MAD1L1: variants seen among roughly 807,000 people sequenced by gnomAD.
MAD1L1 encodes the protein mitotic spindle assembly checkpoint protein MAD1.
MAD1L1 carries 95 observed loss-of-function variants against 96.9 expected under a neutral mutation model. That is an observed-to-expected ratio of 0.98 (90% CI 0.83 to 1.16). The LOEUF (loss-of-function observed/expected upper bound fraction) is 1.16, where lower values mean the gene tolerates loss of function less well. Among genes scored for constraint, MAD1L1 ranks in the 50% most tolerant of loss-of-function variants. The probability of loss-of-function intolerance (pLI) is 0.00; values close to 1 mark genes in which losing one functional copy is unlikely to be tolerated. For missense variants in MAD1L1, 1,007 were observed against 954.4 expected, an observed-to-expected ratio of 1.06 and a Z score of -0.73; for synonymous variants, 473 against 396.6, an observed-to-expected ratio of 1.19 and a Z score of -2.29.
intron 10 of MAD1L1, among the ~76,000 whole-genome samples, chr7:2,189,887 A>G (rs1028485863): frequency 6.6e-6 from 1 of 152,226 alleles, no homozygotes; most frequent in African/African-American, 2.4e-5. Flanking sequence ...CCCTAAAACT[A>G]ACCTCATGCT....
chr7:2,136,503 G>A (rs1331734131), intron 11 of MAD1L1, among the ~76,000 whole-genome samples: 1 of 152,220 alleles, frequency 6.6e-6, no homozygotes, highest in Non-Finnish European at 1.5e-5. Flanking sequence ...TTTCCTAACA[G>A]GATCGAGAGA....
chr7:1,890,757 AG>A (rs1372523170), intron 18 of MAD1L1, among the ~76,000 whole-genome samples: 1 of 152,166 alleles, frequency 6.6e-6, no homozygotes, highest in Non-Finnish European at 1.5e-5. Flanking sequence ...GCACCTGAGA[AG>A]GGGTGCTCAC....
chr7:2,077,220 C>CTGGCA (rs573553925), intron 11 of MAD1L1, among the ~76,000 whole-genome samples: 2 of 152,234 alleles, frequency 1.3e-5, no homozygotes, highest in South Asian at 4.1e-4. Context: ...GTGATGACGT[C>CTGGCA]TGGCATGAAA....
chr7:1,970,639 T>C (rs534505846), intron 15 of MAD1L1, among the ~76,000 whole-genome samples: 10 of 152,328 alleles, frequency 6.6e-5, no homozygotes, highest in African/African-American at 2.4e-4. Context: ...CAGCCTATTA[T>C]ATAATTTTAA....
At chr7:2,083,026 G>A (rs551498778) in intron 11 of MAD1L1, among the ~76,000 whole-genome samples, 1 of 152,336 alleles carries the variant, frequency 6.6e-6, no homozygotes, top group Non-Finnish European at 1.5e-5. Flanking sequence ...GGAACGGGTG[G>A]CACAGGCCCC....
chr7:2,131,563 G>A (rs1002390425), intron 11 of MAD1L1, among the ~76,000 whole-genome samples: 2 of 152,192 alleles, frequency 1.3e-5, no homozygotes, highest in African/African-American at 2.4e-5. Flanking sequence ...GGACCTCTGC[G>A]CAGGCACTGA....
rs372365692 is a variant in MAD1L1, at chr7:1,827,798, C to T, written c.1999-11570G>A. ...GGGTCCTCCCCTCCTGAGCCCGTCCCGGGTGTGGGGTCCTCCCCTCCTGGG... is the reference window on the plus strand; with the variant it reads ...GGGTCCTCCCCTCCTGAGCCCGTCCTGGGTGTGGGGTCCTCCCCTCCTGGG... On this transcript the variant is annotated intron_variant, in intron 18 of 18. Transcript: ENST00000265854. 5.7e-4 allele frequency among the ~76,000 whole-genome samples: 87 copies of T among 151,540 alleles called. No homozygotes were observed. The East Asian group carries it at 0.012, about 21-fold the overall frequency.
chr7:2,097,488 A>G (rs1786553580), intron 11 of MAD1L1, among the ~76,000 whole-genome samples: 1 of 152,204 alleles, frequency 6.6e-6, no homozygotes, highest in Non-Finnish European at 1.5e-5. Flanking sequence ...CACACCACTG[A>G]GAAAGCAATG....
At chr7:2,208,652 C>T (rs1417896399) in intron 10 of MAD1L1, among the ~76,000 whole-genome samples, 2 of 152,190 alleles carry the variant, frequency 1.3e-5, no homozygotes, top group Non-Finnish European at 2.9e-5. Context: ...AGATGGCCTG[C>T]ACCCCCTTTC....
At chr7:1,999,573 G>C (rs1292269067) in intron 14 of MAD1L1, among the ~76,000 whole-genome samples, 1 of 152,170 alleles carries the variant, frequency 6.6e-6, no homozygotes, top group African/African-American at 2.4e-5. Context: ...TCACAGGCCA[G>C]TGCGCCTCAT....
At chr7:2,102,975 ACTG>A (rs1480089491) in intron 11 of MAD1L1, among the ~76,000 whole-genome samples, 1 of 152,212 alleles carries the variant, frequency 6.6e-6, no homozygotes, top group East Asian at 1.9e-4. Context: ...CAGAGGTGGC[ACTG>A]TCCCCTCTCA....
At chr7:1,856,542 C>T (rs1784263198) in intron 18 of MAD1L1, among the ~76,000 whole-genome samples, 2 of 152,248 alleles carry the variant, frequency 1.3e-5, no homozygotes, top group Admixed American at 1.3e-4. Flanking sequence ...CTCATTGGGG[C>T]CTGCTCGCTC....
chr7:1,976,198 G>A (rs1780629890), intron 15 of MAD1L1, among the ~76,000 whole-genome samples: 1 of 152,226 alleles, frequency 6.6e-6, no homozygotes, highest in African/African-American at 2.4e-5. Flanking sequence ...GACCATCCCT[G>A]GTCCTCCTGT....
rs369330974 is a variant in MAD1L1 at position 2,042,179 on chromosome 7, G to GCA, written c.1218+27013_1218+27014dup. ...CACACATATGTACACACATACACATGCACACACACACGCACATGGACACAG... is the reference window on the plus strand; with the variant it reads ...CACACATATGTACACACATACACATGCACACACACACACGCACATGGACACAG... On this transcript the variant is annotated intron_variant, in intron 12 of 18. Coordinates refer to ENST00000265854, the MANE Select transcript of MAD1L1 (RefSeq NM_001013836.2). Among the ~76,000 whole-genome samples, 125 of 149,942 alleles carry GCA rather than the reference G, an allele frequency of 8.3e-4. No individual in the cohort carries two copies. The East Asian group carries it at 0.013, about 16-fold the overall frequency.
intron 10 of MAD1L1, among the ~76,000 whole-genome samples, chr7:2,154,136 C>A (rs756146932): frequency 1.3e-5 from 2 of 152,114 alleles, no homozygotes; most frequent in Admixed American, 6.5e-5. Flanking sequence ...AGCCTGGCAA[C>A]AGAGCAAGAC....
intron 11 of MAD1L1, among the ~76,000 whole-genome samples, chr7:2,131,534 C>G (rs981760657): frequency 4.6e-5 from 7 of 152,214 alleles, no homozygotes; most frequent in Non-Finnish European, 8.8e-5. Context: ...TGTTCCCCGA[C>G]GAGCTTGTCA....
At chr7:2,199,925 T>C (rs185608131) in intron 10 of MAD1L1, among the ~76,000 whole-genome samples, 2 of 152,338 alleles carry the variant, frequency 1.3e-5, no homozygotes, top group African/African-American at 2.4e-5. Flanking sequence ...GAAGCCTGGA[T>C]GAAAGGGATG....
intron 4 of MAD1L1, among the ~76,000 whole-genome samples, chr7:2,224,588 T>G (rs985425229): frequency 6.6e-6 from 1 of 152,058 alleles, no homozygotes; most frequent in Non-Finnish European, 1.5e-5. Context: ...GGAGAGTGTG[T>G]GAATACACCG....
chr7:2,133,134 A>G (rs1378705607), intron 11 of MAD1L1, among the ~76,000 whole-genome samples: 1 of 136,716 alleles, frequency 7.3e-6, no homozygotes. Context: ...ACCCATTTTC[A>G]ATGCTGAGCA....
Sources: allele counts gnomAD v4.1 joint callset (sites outside exome capture counted in the v4.1 genomes callset), GRCh38; gene constraint gnomAD v4.1.1; transcripts MANE v1.5; gene names NCBI Gene and HGNC (gene_info 2026-07-23, HGNC 2026-07-21).